The following STK10 variants were observed in gnomAD, a reference collection of about 807,000 sequenced individuals.
STK10 encodes the protein serine/threonine kinase 10.
A neutral mutation model predicts 113.8 loss-of-function variants in STK10; 78 were observed. That is an observed-to-expected ratio of 0.69 (90% CI 0.57 to 0.83). The LOEUF is 0.83. Ranked by LOEUF, STK10 falls within the 40% of genes least tolerant of loss-of-function variation. The pLI is 0.00. For synonymous variants in STK10, 465 were observed against 494.7 expected, an observed-to-expected ratio of 0.94 and a Z score of 0.80; for missense variants, 1,109 against 1,280.1, an observed-to-expected ratio of 0.87 and a Z score of 2.04.
chr5:172,102,758 G>A (rs1284507841), intron 7 of STK10, among the ~76,000 whole-genome samples: 1 of 152,146 alleles, frequency 6.6e-6, no homozygotes, highest in African/African-American at 2.4e-5. Flanking sequence ...ACGGGTTTAA[G>A]AGCAAATTCA....
Position 172,083,082 on chromosome 5 carries a change from C to A in STK10, c.1688G>T (p.Arg563Leu). Residue 563 changes from arginine to leucine, a missense_variant and splice_region_variant, in exon 11 of 19, where the codon CGC becomes CTC. Around this residue, in one of 5 missense-constraint regions of STK10, gnomAD observed 885 missense variants for 991.1 expected, o/e 0.89. Transcript: ENST00000176763. The part of the protein sequence containing the change: ...KKDEEMRFLR[R>L]QELRELRLLQ... Reference sequence around the variant, plus strand: ...CAGCCGAAGCTCTCGGAGTTCCTGGCGCCTGAAAGGTTAAAGGATACAGAT... The same window carrying A: ...CAGCCGAAGCTCTCGGAGTTCCTGGAGCCTGAAAGGTTAAAGGATACAGAT... 1 of 1,613,966 alleles carries A rather than the reference C, an allele frequency of 6.2e-7. No individual in the cohort carries two copies. Among genetic ancestry groups the A allele is most frequent in the Non-Finnish European group, 8.5e-7 (1 of 1,179,996 alleles).
At chr5:172,113,985 A>G (rs1298713378) in intron 4 of STK10, among the ~76,000 whole-genome samples, 1 of 152,196 alleles carries the variant, frequency 6.6e-6, no homozygotes, top group East Asian at 1.9e-4. Context: ...AAAGAAACTT[A>G]TGCATATCAT....
intron 5 of STK10, 77 bp from the exon 6 acceptor site, chr5:172,106,891 C>G: frequency 2.2e-6 from 3 of 1,391,650 alleles, no homozygotes; most frequent in East Asian, 2.6e-5. Flanking sequence ...GGGTCAAGGG[C>G]CACCACGAGC....
intron 10 of STK10, among the ~76,000 whole-genome samples, chr5:172,088,104 A>G (rs951937532): frequency 6.6e-6 from 1 of 151,778 alleles, no homozygotes; most frequent in Non-Finnish European, 1.5e-5. Context: ...TTTTTTGTAG[A>G]GACACTAGGT....
At chr5:172,045,046 G>A (rs373449507) in intron 18 of STK10, 24 bp from the exon 19 acceptor site, 35 of 1,612,210 alleles carry the variant, frequency 2.2e-5, no homozygotes, top group Non-Finnish European at 2.5e-5. Flanking sequence ...AGGATGGATG[G>A]CACTTGGTGA....
At chr5:172,131,537 A>G (rs1289258967) in intron 2 of STK10, among the ~76,000 whole-genome samples, 1 of 152,084 alleles carries the variant, frequency 6.6e-6, no homozygotes. Context: ...CAACCCCTTG[A>G]GCTTCCCTTT....
intron 3 of STK10, among the ~76,000 whole-genome samples, chr5:172,121,015 G>A (rs1769499296): frequency 6.7e-6 from 1 of 149,452 alleles, no homozygotes; most frequent in Non-Finnish European, 1.5e-5. Flanking sequence ...TTTTGTTGTT[G>A]TTGTTGGGTT....
chr5:172,121,022 G>T (rs1009463762), intron 3 of STK10, among the ~76,000 whole-genome samples: 2 of 149,772 alleles, frequency 1.3e-5, no homozygotes, highest in Admixed American at 1.3e-4. Flanking sequence ...GTTGTTGTTG[G>T]GTTTCTTTCC....
chr5:172,063,793 A>G (rs528193068), intron 13 of STK10, among the ~76,000 whole-genome samples: 1 of 152,340 alleles, frequency 6.6e-6, no homozygotes, highest in South Asian at 2.1e-4. Context: ...GAAAATGAAC[A>G]GCTCCTACCA....
At position 172,088,717 on chromosome 5, in the gene STK10, G is replaced by T. The variant is rs190700923; in HGVS notation, c.1685+1515C>A. On this transcript the variant is annotated intron_variant, in intron 10 of 18. Coordinates refer to ENST00000176763, the MANE Select transcript of STK10 (RefSeq NM_005990.4). ...CAACCCCTGCCAGCTACATGGTCCA[G>T]TGAAACCTGAAGGAATTCTCACACA... Among the ~76,000 whole-genome samples, 18 of 152,162 alleles carry T rather than the reference G, an allele frequency of 1.2e-4. 1 individual carries two copies. The East Asian group carries it at 2.3e-3, about 20-fold the overall frequency.
At chr5:172,141,102 C>T (rs2339358) in intron 2 of STK10, among the ~76,000 whole-genome samples, 30,501 of 152,108 alleles carry the variant, frequency 0.2, 3,152 homozygotes, top group Non-Finnish European at 0.24. Context: ...GTGGCTGCCA[C>T]GGGCTGATGG....
chr5:172,053,966 A>G (rs1233035429), intron 17 of STK10, among the ~76,000 whole-genome samples: 1 of 152,224 alleles, frequency 6.6e-6, no homozygotes, highest in East Asian at 1.9e-4. Flanking sequence ...CACAGTGGTA[A>G]TCAGCAGAGC....
chr5:172,149,559 C>CCCCAAAGG (rs3839237), intron 2 of STK10, among the ~76,000 whole-genome samples: 79,991 of 150,884 alleles, frequency 0.53, 23,449 homozygotes, highest in African/African-American at 0.81. Flanking sequence ...CAACCGGGTG[C>CCCCAAAGG]CCCAATCCAG....
intron 2 of STK10, among the ~76,000 whole-genome samples, chr5:172,132,933 G>A (rs751746793): frequency 5.9e-5 from 9 of 152,156 alleles, no homozygotes; most frequent in Admixed American, 2.0e-4. Context: ...CTGTGGACAC[G>A]GTCATTAACC....
intron 14 of STK10, 140 bp downstream of exon 14, chr5:172,060,999 A>C: frequency 1.5e-6 from 2 of 1,330,190 alleles, no homozygotes; most frequent in Non-Finnish European, 2.0e-6. Context: ...GCTTTTCCCC[A>C]GGTTTCCCCA....
At chr5:172,142,100 C>T (rs1441097754) in intron 2 of STK10, among the ~76,000 whole-genome samples, 2 of 152,278 alleles carry the variant, frequency 1.3e-5, no homozygotes, top group East Asian at 3.9e-4. Context: ...ATGGTTATCT[C>T]CACCTGCTAG....
intron 12 of STK10, among the ~76,000 whole-genome samples, chr5:172,078,796 C>T (rs1388737711): frequency 6.6e-6 from 1 of 152,030 alleles, no homozygotes; most frequent in East Asian, 1.9e-4. Flanking sequence ...GAGGCAGGCT[C>T]GAGAGCCTTC....
At chr5:172,101,993 C>T (rs1020052537) in intron 7 of STK10, among the ~76,000 whole-genome samples, 1 of 151,978 alleles carries the variant, frequency 6.6e-6, no homozygotes, top group Non-Finnish European at 1.5e-5. Context: ...ACACAGCACT[C>T]TAAGGGGCCC....
At chr5:172,099,605 T>A (rs1768935554) in intron 7 of STK10, among the ~76,000 whole-genome samples, 1 of 152,112 alleles carries the variant, frequency 6.6e-6, no homozygotes, top group African/African-American at 2.4e-5. Context: ...CCCTCCCACA[T>A]GCCCCCAGAG....
Sources: gnomAD v4.1 joint callset for allele counts (sites outside exome capture counted in the v4.1 genomes callset) on GRCh38, gnomAD v4.1.1 for gene constraint, gnomAD v4.1.1 regional missense constraint, MANE v1.5 for transcripts, NCBI Gene and HGNC (gene_info 2026-07-23, HGNC 2026-07-21) for gene names.